Variants in GREM2 observed in about 807,000 individuals in gnomAD.
GREM2 encodes gremlin 2, DAN family BMP antagonist, also known as gremlin-2.
A neutral mutation model predicts 14.2 loss-of-function variants in GREM2; 11 were observed. The ratio of observed to expected loss-of-function variants is 0.78; its 90% CI spans 0.49 to 1.28. The LOEUF is 1.28. Among genes scored for constraint, GREM2 ranks in the 50% most tolerant of loss-of-function variants. The pLI is 0.00. For missense variants in GREM2, 210 were observed against 218.5 expected (o/e 0.96, Z 0.24); for synonymous variants, 98 against 97.6 (o/e 1.00, Z -0.02).
chr1:240,553,042 T>G (rs1008286131), intron 1 of GREM2, among the ~76,000 whole-genome samples: 1 of 152,172 alleles, frequency 6.6e-6, no homozygotes, highest in African/African-American at 2.4e-5. Flanking sequence ...AGAAACTCTG[T>G]ATTGGAAATT....
At chr1:240,605,770 C>T (rs1382358240) in intron 1 of GREM2, among the ~76,000 whole-genome samples, 1 of 151,822 alleles carries the variant, frequency 6.6e-6, no homozygotes, top group East Asian at 1.9e-4. Flanking sequence ...AACAGGCCAT[C>T]CCAGGGGAAT....
intron 1 of GREM2, among the ~76,000 whole-genome samples, chr1:240,515,524 A>G (rs1167855247): frequency 6.6e-6 from 1 of 151,908 alleles, no homozygotes; most frequent in Non-Finnish European, 1.5e-5. Context: ...GACTTTTATT[A>G]TTTTTCCTCA....
At chr1:240,592,757 T>C (rs529821093) in intron 1 of GREM2, among the ~76,000 whole-genome samples, 1 of 152,190 alleles carries the variant, frequency 6.6e-6, no homozygotes, top group East Asian at 1.9e-4. Context: ...AGAAAACTGC[T>C]CCCCTGCCGC....
chr1:240,498,444 C>T (rs1364165429), intron 1 of GREM2, among the ~76,000 whole-genome samples: 5 of 152,256 alleles, frequency 3.3e-5, no homozygotes, highest in Non-Finnish European at 4.4e-5. Flanking sequence ...AAGAGGTGTT[C>T]GGCCATGGTG....
In GREM2 at chr1:240,551,597, C is replaced by T. The variant is rs12087796; in HGVS notation, c.-1-58121G>A. ...TCCTGACCTTGGCCTCCCAAAGTGC[C>T]GAGACTTCAGGCATGAGCCACCATG... On this transcript the variant is annotated intron_variant, in intron 1 of 1. Transcript: ENST00000318160. Among the ~76,000 whole-genome samples the T allele has an allele frequency of 3.8e-3, 565 of 150,494 alleles. 1 individual carries two copies. Among genetic ancestry groups the T allele is most frequent in the African/African-American group, 0.012 (511 of 41,048 alleles).
intron 1 of GREM2, among the ~76,000 whole-genome samples, chr1:240,564,124 G>C (rs116679101): frequency 6.6e-6 from 1 of 151,902 alleles, no homozygotes; most frequent in African/African-American, 2.4e-5. Context: ...CAGGAGGATC[G>C]CTTGACCCAG....
At chr1:240,599,141 G>A (rs1329172578) in intron 1 of GREM2, among the ~76,000 whole-genome samples, 1 of 152,076 alleles carries the variant, frequency 6.6e-6, no homozygotes, top group South Asian at 2.1e-4. Context: ...GGTGGTGCAC[G>A]CCTGTAGTCC....
At chr1:240,564,001 G>C (rs1679122414) in intron 1 of GREM2, among the ~76,000 whole-genome samples, 1 of 152,110 alleles carries the variant, frequency 6.6e-6, no homozygotes, top group Non-Finnish European at 1.5e-5. Flanking sequence ...CTTGAGCCCA[G>C]GAGTTCAAGG....
intron 1 of GREM2, among the ~76,000 whole-genome samples, chr1:240,513,483 G>C (rs987267659): frequency 7.3e-5 from 11 of 150,282 alleles, no homozygotes; most frequent in Admixed American, 6.7e-5. Context: ...GCTGAGGCAA[G>C]AGAATCGCTT....
chr1:240,605,587 G>A (rs1349670527), intron 1 of GREM2, among the ~76,000 whole-genome samples: 1 of 151,998 alleles, frequency 6.6e-6, no homozygotes, highest in African/African-American at 2.4e-5. Flanking sequence ...GAACAAATTA[G>A]TCCCCTTAAA....
intron 1 of GREM2, among the ~76,000 whole-genome samples, chr1:240,607,413 T>A (rs1680049204): frequency 6.6e-6 from 1 of 152,226 alleles, no homozygotes; most frequent in Admixed American, 6.5e-5. Context: ...AAAGTGATGC[T>A]TTTTGCCTGT....
intron 1 of GREM2, among the ~76,000 whole-genome samples, chr1:240,600,547 G>A (rs966999779): frequency 2.6e-5 from 4 of 151,972 alleles, no homozygotes; most frequent in African/African-American, 4.8e-5. Context: ...GCAATGGCAC[G>A]GTCTCGGCTC....
At chr1:240,548,137 T>C (rs967218648) in intron 1 of GREM2, among the ~76,000 whole-genome samples, 1 of 148,516 alleles carries the variant, frequency 6.7e-6, no homozygotes, top group Non-Finnish European at 1.5e-5. Context: ...TAGCCAGGCG[T>C]GGTGGTATGT....
At chr1:240,581,669 A>G (rs529969758) in intron 1 of GREM2, among the ~76,000 whole-genome samples, 1 of 152,326 alleles carries the variant, frequency 6.6e-6, no homozygotes, top group Admixed American at 6.5e-5. Flanking sequence ...TTAGTATGAA[A>G]TGTTTTATCT....
chr1:240,608,375 T>G (rs181523827), intron 1 of GREM2, among the ~76,000 whole-genome samples: 1 of 152,218 alleles, frequency 6.6e-6, no homozygotes, highest in Non-Finnish European at 1.5e-5. Context: ...TTATTAACTC[T>G]AAGTACAATG....
At chr1:240,537,588 C>A (rs1032745301) in intron 1 of GREM2, among the ~76,000 whole-genome samples, 1 of 152,102 alleles carries the variant, frequency 6.6e-6, no homozygotes, top group African/African-American at 2.4e-5. Context: ...AGATCAAGAC[C>A]ATCCTGGCCA....
rs920181311 is a variant in GREM2, at chr1:240,494,457, C to G, written c.-1-981G>C. On this transcript the variant is annotated intron_variant, in intron 1 of 1. Coordinates refer to ENST00000318160, the MANE Select transcript of GREM2 (RefSeq NM_022469.4). ...GAAGATGGGTGTCGTTCACAAGTTTCTTTAAAAATGAGTATTAAAGATAGA... is the reference window on the plus strand; with the variant it reads ...GAAGATGGGTGTCGTTCACAAGTTTGTTTAAAAATGAGTATTAAAGATAGA... 3.9e-5 allele frequency among the ~76,000 whole-genome samples: 6 copies of G among 152,190 alleles called. 1 individual carries two copies. The highest frequency in any genetic ancestry group is 1.4e-4 in the African/African-American group (6 of 41,448).
chr1:240,519,297 T>C (rs1678021713), intron 1 of GREM2, among the ~76,000 whole-genome samples: 1 of 152,190 alleles, frequency 6.6e-6, no homozygotes, highest in African/African-American at 2.4e-5. Flanking sequence ...CTAATGTCAC[T>C]GTTTGAATTG....
chr1:240,520,134 A>C (rs149585050), intron 1 of GREM2, among the ~76,000 whole-genome samples: 127 of 136,148 alleles, frequency 9.3e-4, no homozygotes, highest in South Asian at 5.9e-3. Context: ...CAAAACTATA[A>C]TCCGGAATTG....
Sources: allele counts gnomAD v4.1 joint callset (sites outside exome capture counted in the v4.1 genomes callset), GRCh38; gene constraint gnomAD v4.1.1; transcripts MANE v1.5; gene names NCBI Gene and HGNC (gene_info 2026-07-23, HGNC 2026-07-21).